MMP26: variants seen among roughly 807,000 people sequenced by gnomAD.
MMP26 encodes the protein matrix metalloproteinase-26.
A neutral mutation model predicts 31.0 loss-of-function variants in MMP26; 33 were observed. That is an observed-to-expected ratio of 1.06 (90% CI 0.81 to 1.42). The LOEUF (loss-of-function observed/expected upper bound fraction) is 1.42. MMP26 is among the 40% of genes most tolerant of loss of function. The pLI, the probability that MMP26 is intolerant of heterozygous loss-of-function variation, is 0.00. For synonymous variants in MMP26, 122 were observed against 114.9 expected, an observed-to-expected ratio of 1.06 and a Z score of -0.40; for missense variants, 347 against 316.1, an observed-to-expected ratio of 1.10 and a Z score of -0.74.
intron 1 of MMP26, chr11:4,723,713 GAGTGTCC>G (rs1848052677): frequency 3.8e-6 from 4 of 1,044,272 alleles, no homozygotes; most frequent in Non-Finnish European, 6.0e-6. Context: ...TCCTGGCCCA[GAGTGTCC>G]AGTTGCCGCC....
chr11:4,884,594 G>A (rs1589929203), intron 2 of MMP26, among the ~76,000 whole-genome samples: 1 of 152,140 alleles, frequency 6.6e-6, no homozygotes. Context: ...CAGAGCAGAC[G>A]TCCCAGAACA....
At chr11:4,756,295 G>A (rs1313237826) in intron 1 of MMP26, among the ~76,000 whole-genome samples, 1 of 151,824 alleles carries the variant, frequency 6.6e-6, no homozygotes, top group Non-Finnish European at 1.5e-5. Context: ...ATTATATTTG[G>A]GAAGGGCACA....
At chr11:4,862,468 A>T (rs1850175825) in intron 2 of MMP26, among the ~76,000 whole-genome samples, 1 of 152,170 alleles carries the variant, frequency 6.6e-6, no homozygotes, top group Admixed American at 6.5e-5. Context: ...CTCTGTTCTG[A>T]TCTTCTGCAG....
intron 1 of MMP26, among the ~76,000 whole-genome samples, chr11:4,754,985 T>G (rs1036565827): frequency 1.3e-5 from 2 of 151,990 alleles, no homozygotes; most frequent in Non-Finnish European, 2.9e-5. Flanking sequence ...GCTCTATAGA[T>G]CTATAGATTT....
At chr11:4,784,356 C>T (rs34234149) in intron 2 of MMP26, among the ~76,000 whole-genome samples, 14,528 of 152,170 alleles carry the variant, frequency 0.095, 860 homozygotes, top group Middle Eastern at 0.16. Flanking sequence ...TCTAGTGGAT[C>T]GAATGGTGTA....
rs144301002 is a variant in MMP26 at position 4,923,715 on chromosome 11, C to T, written c.-144-64353C>T. 2.7e-5 allele frequency: 44 copies of T among 1,614,014 alleles called. No individual in the cohort carries two copies. Among genetic ancestry groups the T allele is most frequent in the Admixed American group, 2.0e-4 (12 of 60,018 alleles). On this transcript the variant is annotated intron_variant, in intron 2 of 7. Coordinates refer to ENST00000380390, the MANE Select transcript of MMP26 (RefSeq NM_021801.5). ...AAGATGAGCAGGGAGTCCACACCCACGGTGCAGGCCACAACAAAGAGCCCA... is the reference window on the plus strand; with the variant it reads ...AAGATGAGCAGGGAGTCCACACCCATGGTGCAGGCCACAACAAAGAGCCCA...
Position 4,946,955 on chromosome 11 carries a change from A to T in MMP26, c.-144-41113A>T, listed in dbSNP as rs765320524. 5.8e-5 allele frequency: 93 copies of T among 1,605,462 alleles called. No individual in the cohort carries two copies. The highest frequency in any genetic ancestry group is 7.1e-5 in the Non-Finnish European group (84 of 1,176,276). On this transcript the variant is annotated intron_variant, in intron 2 of 7. Transcript: ENST00000380390. ...CAAGGAGGGCTCTGTCTTGATGATA[A>T]AAAGAATGGTGCCATTTCCTAGAAT...
intron 2 of MMP26, among the ~76,000 whole-genome samples, chr11:4,807,949 T>C (rs1849300153): frequency 6.6e-6 from 1 of 151,980 alleles, no homozygotes; most frequent in Admixed American, 6.6e-5. Flanking sequence ...GAACTACAGA[T>C]ACGCACCACA....
intron 2 of MMP26, among the ~76,000 whole-genome samples, chr11:4,977,636 C>T (rs1334703873): frequency 2.0e-5 from 3 of 152,004 alleles, no homozygotes; most frequent in Admixed American, 2.0e-4. Flanking sequence ...ACACTTTCAC[C>T]AAAAAACTTC....
intron 1 of MMP26, among the ~76,000 whole-genome samples, chr11:4,759,908 T>C (rs7116423): frequency 0.079 from 12,071 of 152,180 alleles, 1,565 homozygotes; most frequent in African/African-American, 0.27. Flanking sequence ...CATTCGCCAC[T>C]ACCCAGTCGG....
intron 2 of MMP26, among the ~76,000 whole-genome samples, chr11:4,869,410 T>C (rs1381734899): frequency 3.3e-5 from 5 of 152,112 alleles, no homozygotes; most frequent in African/African-American, 1.2e-4. Context: ...GGGCGAAGGA[T>C]ATGAACAGAC....
At chr11:4,820,709 T>C (rs1192438752) in intron 2 of MMP26, among the ~76,000 whole-genome samples, 3 of 152,132 alleles carry the variant, frequency 2.0e-5, no homozygotes, top group Non-Finnish European at 4.4e-5. Flanking sequence ...TCTCTCAACA[T>C]TTAGGCAGTG....
At chr11:4,848,631 G>C in intron 2 of MMP26, 2 of 1,611,680 alleles carry the variant, frequency 1.2e-6, no homozygotes, top group Non-Finnish European at 1.7e-6. Flanking sequence ...GGCCAAACGA[G>C]CCACATCTGG....
In MMP26 at chr11:4,856,882, A is replaced by G. The variant is rs1332601049; in HGVS notation, c.-145+89541A>G. ...ACTATAACAAACTGTCCCTCAGACC[A>G]CAGTTCAATCAAATTAGAACTCAGG... On this transcript the variant is annotated intron_variant, in intron 2 of 7. Coordinates refer to ENST00000380390, the MANE Select transcript of MMP26 (RefSeq NM_021801.5). Among the ~76,000 whole-genome samples, 2 of 152,226 alleles carry G rather than the reference A, an allele frequency of 1.3e-5. 1 individual carries two copies. The highest frequency in any genetic ancestry group is 2.9e-5 in the Non-Finnish European group (2 of 68,022).
At chr11:4,938,909 T>C (rs1033584387) in intron 2 of MMP26, among the ~76,000 whole-genome samples, 8 of 152,150 alleles carry the variant, frequency 5.3e-5, no homozygotes, top group Admixed American at 1.3e-4. Flanking sequence ...GTAGTCTAAA[T>C]CACGCTGAAT....
chr11:4,909,475 C>CAACT (rs1370351772), intron 2 of MMP26: 3 of 152,026 alleles, frequency 2.0e-5, no homozygotes, highest in African/African-American at 7.2e-5. Flanking sequence ...CAAAAACAGG[C>CAACT]AACTACAGAG....
chr11:4,792,038 A>G (rs899143308), intron 2 of MMP26, among the ~76,000 whole-genome samples: 1 of 152,078 alleles, frequency 6.6e-6, no homozygotes, highest in Non-Finnish European at 1.5e-5. Flanking sequence ...TGCTCAAATT[A>G]ATTAATATAT....
intron 2 of MMP26, among the ~76,000 whole-genome samples, chr11:4,818,605 G>T (rs1589910212): frequency 6.6e-6 from 1 of 151,894 alleles, no homozygotes; most frequent in South Asian, 2.1e-4. Flanking sequence ...TATAATCCCA[G>T]CTTCTTAAAC....
At chr11:4,920,736 A>C (rs1163538747) in intron 2 of MMP26, among the ~76,000 whole-genome samples, 3 of 152,208 alleles carry the variant, frequency 2.0e-5, no homozygotes, top group Non-Finnish European at 4.4e-5. Context: ...TTGTGTTATA[A>C]AAATCCCTTT....
Sources: allele counts gnomAD v4.1 joint callset (sites outside exome capture counted in the v4.1 genomes callset), GRCh38; gene constraint gnomAD v4.1.1; transcripts MANE v1.5; gene names NCBI Gene and HGNC (gene_info 2026-07-23, HGNC 2026-07-21).